TSN: variants seen among roughly 807,000 people sequenced by gnomAD.
TSN encodes the protein translin, also known as component 3 of promoter of RISC.
A neutral mutation model predicts 29.4 loss-of-function variants in TSN; 5 were observed. The observed-to-expected ratio is 0.17, with a 90% CI of 0.09 to 0.36. The LOEUF is 0.36. Ranked by LOEUF, TSN falls within the 10% of genes least tolerant of loss-of-function variation. TSN has a pLI of 1.00. For missense variants in TSN, 159 were observed against 272.8 expected, an observed-to-expected ratio of 0.58 and a Z score of 2.94; for synonymous variants, 106 against 102.2, an observed-to-expected ratio of 1.04 and a Z score of -0.23.
intron 3 of TSN, among the ~76,000 whole-genome samples, chr2:121,760,937 C>A (rs1454272495): frequency 2.8e-5 from 4 of 140,548 alleles, no homozygotes; most frequent in African/African-American, 1.1e-4. Flanking sequence ...GTGGTGTGAT[C>A]TTGCGCACTG....
intron 3 of TSN, among the ~76,000 whole-genome samples, chr2:121,759,501 C>G (rs1242617169): frequency 6.6e-6 from 1 of 151,936 alleles, no homozygotes; most frequent in Non-Finnish European, 1.5e-5. Context: ...CCAGCCACTT[C>G]AGAGGCTGAG....
intron 4 of TSN, among the ~76,000 whole-genome samples, chr2:121,761,882 A>G (rs912879147): frequency 7.2e-5 from 11 of 151,894 alleles, no homozygotes; most frequent in Non-Finnish European, 1.0e-4. Flanking sequence ...CAGTGGTGCA[A>G]TCTCCGCTCA....
intron 2 of TSN, chr2:121,757,659 AT>A (rs112899133): frequency 0.015 from 3,026 of 200,490 alleles, 1 homozygote; most frequent in South Asian, 0.033. Context: ...TATTTTTTTA[AT>A]TTTTTTTTTT....
chr2:121,762,865 G>A, intron 4 of TSN, 140 bp from the exon 5 acceptor site: 4 of 680,306 alleles, frequency 5.9e-6, no homozygotes, highest in Non-Finnish European at 9.1e-6. Context: ...TAGTTGCCAA[G>A]GTTGTGAATA....
chr2:121,761,193 T>C (rs560036599), intron 3 of TSN, among the ~76,000 whole-genome samples: 1 of 152,298 alleles, frequency 6.6e-6, no homozygotes, highest in South Asian at 2.1e-4. Flanking sequence ...CTCATCAAAA[T>C]TAGACCATAT....
chr2:121,766,357 A>G lies in TSN; in HGVS notation c.*990A>G, dbSNP rs2074900665. On this transcript the variant is annotated 3_prime_UTR_variant, in exon 6 of 6. Transcript: ENST00000389682. ...GGTGGCTCACACCTGTAATCCCAGC[A>G]CACTGGGAGGCCGAGGCAGGGGGAC... The G allele has an allele frequency of 6.6e-6, 1 of 152,238 alleles. No individual in the cohort carries two copies. Among genetic ancestry groups the G allele is most frequent in the Non-Finnish European group, 1.5e-5 (1 of 68,048 alleles). The allele number at this position is 152,238 out of a possible 1,614,324, so 9.4% of individuals were successfully genotyped here. A position where few individuals can be genotyped will look rare whatever the true frequency, so the allele number is the denominator to read the frequency against.
At chr2:121,757,122 G>GA (rs1352229864) in intron 1 of TSN, 118 bp from the exon 2 acceptor site, 29 of 920,620 alleles carry the variant, frequency 3.2e-5, no homozygotes, top group Non-Finnish European at 4.4e-5. Flanking sequence ...GAAATAAGTG[G>GA]AAAAGTCAGG....
chr2:121,763,304 G>C (rs559306417), intron 5 of TSN, among the ~76,000 whole-genome samples: 1 of 151,916 alleles, frequency 6.6e-6, no homozygotes, highest in African/African-American at 2.4e-5. Context: ...CACCACACCC[G>C]GCTAATTTTT....
At position 121,757,184 on chromosome 2, in the gene TSN, G is replaced by A. The variant is rs2074763277; in HGVS notation, c.67-56G>A. 2.7e-6 allele frequency: 4 copies of A among 1,498,462 alleles called. 1 individual carries two copies. The South Asian group carries it at 4.6e-5, about 17-fold the overall frequency. The allele number at this position is 1,498,462 out of a possible 1,614,324, so 92.8% of individuals were successfully genotyped here. ...ATAAGCTATCTAATGTGTTTTGTGT[G>A]AGTGTATGACAATGATTCTGTTGAG... On this transcript the variant is annotated intron_variant, in intron 1 of 5. Coordinates refer to ENST00000389682, the MANE Select transcript of TSN (RefSeq NM_004622.3).
intron 3 of TSN, among the ~76,000 whole-genome samples, chr2:121,759,007 A>T (rs2074785889): frequency 6.6e-6 from 1 of 152,204 alleles, no homozygotes; most frequent in South Asian, 2.1e-4. Flanking sequence ...CTTAAGGAAC[A>T]TGTATTACTT....
Position 121,755,675 on chromosome 2 carries a change from C to G in TSN, c.-105C>G. On this transcript the variant is annotated 5_prime_UTR_variant, in exon 1 of 6. Coordinates refer to ENST00000389682, the MANE Select transcript of TSN (RefSeq NM_004622.3). ...CGGTCGTGGCGTAAGACCGGGGGGA[C>G]GCGGCGGTAGCGGCGGCCGTTGCGA... The G allele has an allele frequency of 6.8e-7, 1 of 1,474,022 alleles. No individual in the cohort carries two copies. The highest frequency in any genetic ancestry group is 9.3e-7 in the Non-Finnish European group (1 of 1,072,194). The allele number at this position is 1,474,022 out of a possible 1,614,324, so 91.3% of individuals were successfully genotyped here.
chr2:121,765,444 A>G lies in TSN; in HGVS notation c.*77A>G. On this transcript the variant is annotated 3_prime_UTR_variant, in exon 6 of 6. Coordinates refer to ENST00000389682, the MANE Select transcript of TSN (RefSeq NM_004622.3). ...GTGAGCACAGAGTGCCTCTTACGGT[A>G]GTTAGGATGCTCAGTTGCTAAACAC... 7.6e-7 allele frequency: 1 copy of G among 1,324,426 alleles called. No homozygotes were observed. Among genetic ancestry groups the G allele is most frequent in the Non-Finnish European group, 1.1e-6 (1 of 932,222 alleles). 82.0% of individuals were successfully genotyped at this position (1,324,426 alleles called of 1,614,324 possible). A position where few individuals can be genotyped will look rare whatever the true frequency, so the allele number is the denominator to read the frequency against.
rs1284988832 is a variant in TSN, at chr2:121,766,409, G to C, written c.*1042G>C. On this transcript the variant is annotated 3_prime_UTR_variant, in exon 6 of 6. Transcript: ENST00000389682. ...GCTTGAGCTCAGGAGTTCGAGACCA[G>C]CCTGGGCAACAAAGTGAGACTCCAT... The C allele has an allele frequency of 1.3e-5, 2 of 152,190 alleles. No individual in the cohort carries two copies. The highest frequency in any genetic ancestry group is 4.8e-5 in the African/African-American group (2 of 41,416). The allele number at this position is 152,190 out of a possible 1,614,324, so 9.4% of individuals were successfully genotyped here.
intron 3 of TSN, 38 bp downstream of exon 3, chr2:121,758,844 TAAAA>T (rs761076639): frequency 7.2e-7 from 1 of 1,388,440 alleles, no homozygotes; most frequent in Non-Finnish European, 9.7e-7. Context: ...TAATGTTAAG[TAAAA>T]AAAAGGAGAA....
intron 3 of TSN, 38 bp from the exon 4 acceptor site, chr2:121,761,371 C>T: frequency 6.7e-7 from 1 of 1,500,138 alleles, no homozygotes; most frequent in Non-Finnish European, 9.3e-7. Context: ...TCTGAAGGTC[C>T]CTAACCTTGG....
Position 121,761,449 on chromosome 2 carries a change from T to G in TSN, c.298T>G (p.Phe100Val), listed in dbSNP as rs1445931310. Residue 100 changes from phenylalanine to valine, a missense_variant, in exon 4 of 6, where the codon TTC becomes GTC. Phe to Val is a conservative substitution (Grantham distance 50, BLOSUM62 -1). Transcript: ENST00000389682. ...GAGGTTTGTGTTGCAGCGCTTGGTC[T>G]TCTTGGCAGCATTTGTTGTGTATTT... is the stretch of plus-strand genomic sequence containing the variant. ...HWRFVLQRLV[F>V]LAAFVVYLET... The G allele has an allele frequency of 6.2e-7, 1 of 1,614,186 alleles. No homozygotes were observed.
At chr2:121,759,269 C>T (rs1031893056) in intron 3 of TSN, among the ~76,000 whole-genome samples, 3 of 151,994 alleles carry the variant, frequency 2.0e-5, no homozygotes, top group Admixed American at 6.6e-5. Flanking sequence ...TAAGATACAC[C>T]ATTATTTTAT....
chr2:121,762,274 G>A (rs1360508069), intron 4 of TSN, among the ~76,000 whole-genome samples: 2 of 152,296 alleles, frequency 1.3e-5, no homozygotes, highest in African/African-American at 4.8e-5. Context: ...TTACAGGCGT[G>A]AGTGACCGCA....
chr2:121,763,194 G>C (rs1573391490), intron 5 of TSN, 110 bp downstream of exon 5: 1 of 730,790 alleles, frequency 1.4e-6, no homozygotes, highest in Non-Finnish European at 2.0e-6. Context: ...CTAGGCTGGA[G>C]TGCAGTGGCG....
Sources: allele counts gnomAD v4.1 joint callset (sites outside exome capture counted in the v4.1 genomes callset), GRCh38; gene constraint gnomAD v4.1.1; transcripts MANE v1.5; gene names NCBI Gene and HGNC (gene_info 2026-07-23, HGNC 2026-07-21).